The following APEH variants were observed in gnomAD, a reference collection of about 807,000 sequenced individuals.
APEH encodes the protein acylamino-acid-releasing enzyme.
A neutral mutation model predicts 102.7 loss-of-function variants in APEH; 75 were observed. The ratio of observed to expected loss-of-function variants is 0.73; its 90% CI spans 0.61 to 0.89. APEH has a LOEUF of 0.89. Among genes scored for constraint, APEH ranks in the 40% least tolerant of loss-of-function variants. The pLI, the probability that APEH is intolerant of heterozygous loss-of-function variation, is 0.00. For missense variants in APEH, 863 were observed against 941.2 expected, an observed-to-expected ratio of 0.92 and a Z score of 1.09; for synonymous variants, 344 against 362.7, an observed-to-expected ratio of 0.95 and a Z score of 0.59.
Position 49,679,470 on chromosome 3 carries a change from C to A in APEH, c.1159-123C>A. On this transcript the variant is annotated intron_variant, in intron 12 of 21. Coordinates refer to ENST00000296456, the MANE Select transcript of APEH (RefSeq NM_001640.4). This position sits in a 1 kb window ranked among gnomAD's most constrained non-coding sequence, Gnocchi z 4.3. ...CTGCACTGAGTAACCATCACCATAGCTGTCCACAGCCTTGGTCTGGCCAGG... is the reference window on the plus strand; with the variant it reads ...CTGCACTGAGTAACCATCACCATAGATGTCCACAGCCTTGGTCTGGCCAGG... 1 of 966,722 alleles carries A rather than the reference C, an allele frequency of 1.0e-6. No homozygotes were observed. Among genetic ancestry groups the A allele is most frequent in the Non-Finnish European group, 1.6e-6 (1 of 614,002 alleles). 59.9% of individuals were successfully genotyped at this position (966,722 alleles called of 1,614,324 possible). A position where few individuals can be genotyped will look rare whatever the true frequency, so the allele number is the denominator to read the frequency against.
chr3:49,683,240 C>T lies in APEH; in HGVS notation c.2097C>T (p.Leu699=). 1.9e-6 allele frequency: 3 copies of T among 1,613,588 alleles called. No homozygotes were observed. The highest frequency in any genetic ancestry group is 2.7e-5 in the African/African-American group (2 of 75,036). ...TGTTGCTGACTAATCCCTACAGGCT[C>T]CTGCTCTATCCCAAAAGCACCCACG... ...ALKTRNVPVR[L]LLYPKSTHAL... is the part of the protein sequence containing the mutation. Residue 699 remains leucine (L), a synonymous_variant, in exon 22 of 22, where the codon CTC becomes CTT. Transcript: ENST00000296456.
At position 49,678,919 on chromosome 3, in the gene APEH, G is replaced by T. The variant is rs774949191; in HGVS notation, c.1128G>T (p.Val376=). The T allele has an allele frequency of 6.2e-7, 1 of 1,613,816 alleles. No individual in the cohort carries two copies. Among genetic ancestry groups the T allele is most frequent in the Admixed American group, 1.7e-5 (1 of 60,008 alleles). ...GCTGGTCAGCTGACAGCCAGAGAGT[G>T]GTCTTTGACTCGGCTCAGCGCAGCC... ...LGCWSADSQR[V]VFDSAQRSRQ... is the part of the protein sequence containing the mutation. The change falls in exon 12 of 22, where the codon GTG becomes GTT. Residue 376 remains valine (V), a synonymous_variant. Transcript: ENST00000296456.
chr3:49,676,264 G>T, intron 6 of APEH, 45 bp downstream of exon 6: 1 of 1,611,372 alleles, frequency 6.2e-7, no homozygotes, highest in East Asian at 2.2e-5. Flanking sequence ...CAGCCCTGGG[G>T]CTCAGTGTGC....
Position 49,674,375 on chromosome 3 carries a change from C to A in APEH, c.-27C>A. The A allele has an allele frequency of 6.4e-7, 1 of 1,561,702 alleles. No individual in the cohort carries two copies. Among genetic ancestry groups the A allele is most frequent in the African/African-American group, 1.4e-5 (1 of 73,952 alleles). On this transcript the variant is annotated 5_prime_UTR_variant, in exon 1 of 22. Coordinates refer to ENST00000296456, the MANE Select transcript of APEH (RefSeq NM_001640.4). ...CACTTCCGGGCGCGAGCACGCCCCG[C>A]CTCGCCCCGGCGGCAGAGAGGAGAC...
At chr3:49,673,800 C>CG (rs2052881598), upstream of APEH, among the ~76,000 whole-genome samples, 27 of 149,186 alleles carry the variant, frequency 1.8e-4, 1 homozygote, top group Admixed American at 3.3e-4. Context: ...CCAACCCTCA[C>CG]CCTCACGCTC....
chr3:49,678,436 A>G (rs1559634382), intron 11 of APEH, among the ~76,000 whole-genome samples: 1 of 152,096 alleles, frequency 6.6e-6, no homozygotes, highest in Non-Finnish European at 1.5e-5. Context: ...GTGAGTGATG[A>G]TATTAAAGGG....
intron 6 of APEH, 69 bp from the exon 7 acceptor site, chr3:49,676,309 G>T: frequency 6.2e-7 from 1 of 1,612,136 alleles, no homozygotes; most frequent in South Asian, 1.1e-5. Flanking sequence ...GACCTGGGGA[G>T]GCACTAGCTT....
At chr3:49,675,596 C>A (rs1009584088) in intron 3 of APEH, 98 bp from the exon 4 acceptor site, 10 of 1,258,944 alleles carry the variant, frequency 7.9e-6, no homozygotes, top group Non-Finnish European at 1.1e-5. Flanking sequence ...TGGTGTGGGG[C>A]CAGAGCCTCA....
At chr3:49,677,757 C>T in intron 11 of APEH, 124 bp downstream of exon 11, 2 of 945,928 alleles carry the variant, frequency 2.1e-6, no homozygotes, top group Non-Finnish European at 3.4e-6. Context: ...CCCTGCTGGG[C>T]CAGCCTTATG....
In APEH at chr3:49,677,329, G is replaced by A. The variant is rs559308757; in HGVS notation, c.1000-244G>A. On this transcript the variant is annotated intron_variant, in intron 10 of 21. Transcript: ENST00000296456. ...CTGCAAGGGGCTGGGATATAGTGGG[G>A]AGTTACACAATCCCAGACCCTCCCC... 1.7e-4 allele frequency among the ~76,000 whole-genome samples: 26 copies of A among 152,310 alleles called. No homozygotes were observed. In the South Asian group the frequency reaches 5.0e-3, roughly 29 times the overall value.
Position 49,683,549 on chromosome 3 carries a change from C to A in APEH, c.*207C>A. On this transcript the variant is annotated 3_prime_UTR_variant, in exon 22 of 22. Coordinates refer to ENST00000296456, the MANE Select transcript of APEH (RefSeq NM_001640.4). Reference sequence around the variant, plus strand: ...TTGTACCAAACCATCCCCAACCCCACCTCCCACTCTGGGGTGCAGAGACCC... The same window carrying A: ...TTGTACCAAACCATCCCCAACCCCAACTCCCACTCTGGGGTGCAGAGACCC... 2 of 564,020 alleles carry A rather than the reference C, an allele frequency of 3.5e-6. No individual in the cohort carries two copies. Among genetic ancestry groups the A allele is most frequent in the Non-Finnish European group, 6.3e-6 (2 of 315,458 alleles). The allele number at this position is 564,020 out of a possible 1,614,324, so 34.9% of individuals were successfully genotyped here.
Position 49,674,382 on chromosome 3 carries a change from CCGG to C in APEH, c.-15_-13del. ...GGGCGCGAGCACGCCCCGCCTCGCC[CCGG>C]CGGCAGAGAGGAGACTATGGAACGT... On this transcript the variant is annotated 5_prime_UTR_variant, in exon 1 of 22. Transcript: ENST00000296456. 6.4e-7 allele frequency: 1 copy of C among 1,567,608 alleles called. No homozygotes were observed. The highest frequency in any genetic ancestry group is 1.2e-5 in the South Asian group (1 of 86,768).
chr3:49,679,856 G>A lies in APEH; in HGVS notation c.1210+212G>A, dbSNP rs759464098. The A allele has an allele frequency of 7.8e-5, 42 of 538,764 alleles. No homozygotes were observed. Among genetic ancestry groups the A allele is most frequent in the Non-Finnish European group, 1.2e-4 (36 of 293,296 alleles). 33.4% of individuals were successfully genotyped at this position (538,764 alleles called of 1,614,324 possible). On this transcript the variant is annotated intron_variant, in intron 13 of 21. Coordinates refer to ENST00000296456, the MANE Select transcript of APEH (RefSeq NM_001640.4). This position sits in a 1 kb window ranked among gnomAD's most constrained non-coding sequence, Gnocchi z 4.3. ...AACAGACTAGCTTCCCTGCTCTACT[G>A]CCCTTTAGCACTCAACTCTGTTCCA... is the stretch of plus-strand genomic sequence containing the variant.
At chr3:49,674,054 G>T (rs1454212848), upstream of APEH, 1 of 420,408 alleles carries the variant, frequency 2.4e-6, no homozygotes, top group African/African-American at 2.1e-5. Flanking sequence ...CGGGCTCCCG[G>T]GTTCCGCTTC....
In APEH at chr3:49,681,874, T is replaced by G; in HGVS notation, c.1523-13T>G. 1 of 1,613,554 alleles carries G rather than the reference T, an allele frequency of 6.2e-7. No individual in the cohort carries two copies. Among genetic ancestry groups the G allele is most frequent in the Non-Finnish European group, 8.5e-7 (1 of 1,179,464 alleles). ...CCTAGCTGGCCCTTTCACCCTCCGCTCCCTGTCTGCAGGGGGGCCCCATTC... is the reference window on the plus strand; with the variant it reads ...CCTAGCTGGCCCTTTCACCCTCCGCGCCCTGTCTGCAGGGGGGCCCCATTC... On this transcript the variant is annotated splice_polypyrimidine_tract_variant and intron_variant, in intron 16 of 21. Coordinates refer to ENST00000296456, the MANE Select transcript of APEH (RefSeq NM_001640.4).
At chr3:49,674,788 G>T (rs1293663592) in intron 2 of APEH, among the ~76,000 whole-genome samples, 167 bp downstream of exon 2, 1 of 152,190 alleles carries the variant, frequency 6.6e-6, no homozygotes, top group Non-Finnish European at 1.5e-5. Context: ...GTGTGGAGGG[G>T]GGGAGGGGGC....
chr3:49,680,158 TATC>T, intron 13 of APEH: 2 of 283,826 alleles, frequency 7.0e-6, no homozygotes, highest in East Asian at 1.8e-4. Context: ...GCTACCAAAG[TATC>T]ATTCCAAAGC....
upstream of APEH, chr3:49,674,340 C>T (rs2052909881): frequency 5.2e-6 from 8 of 1,527,200 alleles, no homozygotes; most frequent in Non-Finnish European, 6.1e-6. Context: ...GGCTCCGCCC[C>T]CGGAAGCCTC....
intron 9 of APEH, 36 bp downstream of exon 9, chr3:49,676,853 CAT>C (rs781603784): frequency 4.3e-6 from 7 of 1,614,246 alleles, no homozygotes; most frequent in South Asian, 1.1e-5. Context: ...TTTGCTGACA[CAT>C]GTTGGCCCTG....
Sources: allele counts gnomAD v4.1 joint callset (sites outside exome capture counted in the v4.1 genomes callset), GRCh38; gene constraint gnomAD v4.1.1; non-coding constraint Gnocchi (gnomAD v3.1); transcripts MANE v1.5; gene names NCBI Gene and HGNC (gene_info 2026-07-23, HGNC 2026-07-21).